FRMD4B: variants seen among roughly 807,000 people sequenced by gnomAD.
FRMD4B encodes the protein FERM domain containing 4B, also known as FERM domain-containing protein 4B.
In FRMD4B, 74 loss-of-function variants were observed where a neutral mutation model predicts 141.5. The ratio of observed to expected loss-of-function variants is 0.52; its 90% CI spans 0.43 to 0.63. FRMD4B has a LOEUF of 0.63. FRMD4B is among the 30% of genes least tolerant of loss of function. The pLI, the probability that FRMD4B is intolerant of heterozygous loss-of-function variation, is 0.00. For synonymous variants in FRMD4B, 506 were observed against 467.9 expected (o/e 1.08, Z -1.05); for missense variants, 1,366 against 1,253.4 (o/e 1.09, Z -1.36).
chr3:69,266,014 T>C (rs1329497675), intron 5 of FRMD4B, among the ~76,000 whole-genome samples: 3 of 150,542 alleles, frequency 2.0e-5, no homozygotes, highest in Non-Finnish European at 2.9e-5. Flanking sequence ...CTGGGCAACA[T>C]AGTGAGACCC....
Position 69,411,838 on chromosome 3 carries a change from A to C in FRMD4B, c.-1+20796T>G, listed in dbSNP as rs73835827. The stretch of plus-strand genomic sequence containing the variant: ...AGATTTCCGAGGTCCTTGCTTTTGA[A>C]CAATTATCTATATCAAATCAGAACA... On this transcript the variant is annotated intron_variant, in intron 2 of 5. Coordinates refer to the FRMD4B transcript ENST00000459638. Among the ~76,000 whole-genome samples the C allele has an allele frequency of 8.3e-3, 1,259 of 152,324 alleles. 20 individuals are homozygous for C. The highest frequency in any genetic ancestry group is 0.029 in the African/African-American group (1,185 of 41,564).
intron 1 of FRMD4B, among the ~76,000 whole-genome samples, chr3:69,464,740 C>T (rs1173238386): frequency 6.6e-6 from 1 of 152,152 alleles, no homozygotes; most frequent in Non-Finnish European, 1.5e-5. Context: ...GAACAACACA[C>T]CGTCAATAAA....
intron 1 of FRMD4B, among the ~76,000 whole-genome samples, chr3:69,455,441 G>A (rs1015590850): frequency 7.2e-5 from 11 of 152,212 alleles, no homozygotes; most frequent in African/African-American, 2.7e-4. Context: ...AATGCACCAG[G>A]AGGAATGAAC....
chr3:69,221,631 A>C (rs2093195738), intron 9 of FRMD4B, among the ~76,000 whole-genome samples: 2 of 152,136 alleles, frequency 1.3e-5, no homozygotes, highest in Non-Finnish European at 2.9e-5. Context: ...CTATTGCCCT[A>C]CATCTGGTCT....
chr3:69,497,572 A>G (rs1238323337), intron 1 of FRMD4B, among the ~76,000 whole-genome samples: 4 of 152,134 alleles, frequency 2.6e-5, no homozygotes, highest in Non-Finnish European at 5.9e-5. Context: ...TCCTTATAAT[A>G]AAAATAATAA....
At chr3:69,454,121 G>T (rs865926741) in intron 1 of FRMD4B, among the ~76,000 whole-genome samples, 1 of 152,168 alleles carries the variant, frequency 6.6e-6, no homozygotes, top group East Asian at 1.9e-4. Flanking sequence ...TATCCCCAGC[G>T]ATAACAGTAA....
At chr3:69,223,554 C>T (rs1038139501) in intron 8 of FRMD4B, among the ~76,000 whole-genome samples, 1 of 151,934 alleles carries the variant, frequency 6.6e-6, no homozygotes, top group South Asian at 2.1e-4. Flanking sequence ...AACTATCGCG[C>T]TTGGTCGGGC....
At chr3:69,439,966 G>C (rs1472820138) in intron 1 of FRMD4B, among the ~76,000 whole-genome samples, 2 of 152,154 alleles carry the variant, frequency 1.3e-5, no homozygotes, top group African/African-American at 2.4e-5. Flanking sequence ...GAGTTCATTA[G>C]AGATTCTGGA....
In FRMD4B at chr3:69,454,790, C is replaced by A. The variant is rs375472972; in HGVS notation, c.-128-22029G>T. ...GCTCCGTGGCACCAGGTCCCATCAACTGCTAAAGGGCTGAGGAGGGCAGGC... is the reference window on the plus strand; with the variant it reads ...GCTCCGTGGCACCAGGTCCCATCAAATGCTAAAGGGCTGAGGAGGGCAGGC... On this transcript the variant is annotated intron_variant, in intron 1 of 5. Coordinates refer to the FRMD4B transcript ENST00000459638. Among the ~76,000 whole-genome samples, 173 of 152,342 alleles carry A rather than the reference C, an allele frequency of 1.1e-3. 1 individual carries two copies. Among genetic ancestry groups the A allele is most frequent in the African/African-American group, 3.8e-3 (160 of 41,586 alleles).
At chr3:69,404,403 T>C (rs546893477) in intron 2 of FRMD4B, among the ~76,000 whole-genome samples, 9 of 152,350 alleles carry the variant, frequency 5.9e-5, no homozygotes, top group African/African-American at 1.9e-4. Flanking sequence ...AACTCTGGCT[T>C]TGAGATGTGA....
chr3:69,485,252 G>A (rs901264332), intron 1 of FRMD4B, among the ~76,000 whole-genome samples: 1 of 152,220 alleles, frequency 6.6e-6, no homozygotes, highest in Non-Finnish European at 1.5e-5. Context: ...TGGAGTGGGA[G>A]CCAGGAGTCG....
rs962399644 is a variant in FRMD4B at position 69,439,006 on chromosome 3, G to C, written c.-128-6245C>G. Among the ~76,000 whole-genome samples the C allele has an allele frequency of 4.6e-5, 7 of 151,960 alleles. No homozygotes were observed. In the East Asian group the frequency reaches 1.2e-3, roughly 25 times the overall value. Reference sequence around the variant, plus strand: ...CAGTCCAATTCTTTCTTCATCTTCAGAAGCAACCATTATTCTGAATTTGGT... The same window carrying C: ...CAGTCCAATTCTTTCTTCATCTTCACAAGCAACCATTATTCTGAATTTGGT... On this transcript the variant is annotated intron_variant, in intron 1 of 5. Transcript: ENST00000459638.
intron 1 of FRMD4B, among the ~76,000 whole-genome samples, chr3:69,502,547 A>G (rs1706516025): frequency 6.6e-6 from 1 of 152,236 alleles, no homozygotes; most frequent in African/African-American, 2.4e-5. Flanking sequence ...TGGATTAAAG[A>G]CTTAAATGTT....
intron 11 of FRMD4B, among the ~76,000 whole-genome samples, chr3:69,203,736 C>G (rs949086811): frequency 1.3e-5 from 2 of 152,188 alleles, no homozygotes; most frequent in African/African-American, 4.8e-5. Context: ...GTTTGTGAAG[C>G]ACTCAGCCCA....
chr3:69,336,912 C>A (rs1256367193), intron 1 of FRMD4B, among the ~76,000 whole-genome samples: 1 of 152,170 alleles, frequency 6.6e-6, no homozygotes, highest in Non-Finnish European at 1.5e-5. Flanking sequence ...CCACTACACT[C>A]CAGCCTGGGC....
intron 11 of FRMD4B, among the ~76,000 whole-genome samples, chr3:69,211,856 T>C (rs2093083332): frequency 6.6e-6 from 1 of 152,168 alleles, no homozygotes; most frequent in African/African-American, 2.4e-5. Context: ...TCATGGTCCT[T>C]TAAATTATGC....
At chr3:69,470,845 A>G (rs571055728) in intron 1 of FRMD4B, among the ~76,000 whole-genome samples, 1 of 152,354 alleles carries the variant, frequency 6.6e-6, no homozygotes, top group South Asian at 2.1e-4. Context: ...TTGCACAATT[A>G]TAATAAGAGA....
At chr3:69,196,805 A>C (rs2092910830) in intron 13 of FRMD4B, 95 bp downstream of exon 13, 10 of 972,006 alleles carry the variant, frequency 1.0e-5, no homozygotes, top group African/African-American at 1.7e-5. Context: ...AGAGAGCAAA[A>C]ATATATGTGC....
At chr3:69,317,790 A>AAATCATGC (rs1202891407) in intron 1 of FRMD4B, among the ~76,000 whole-genome samples, 2 of 150,664 alleles carry the variant, frequency 1.3e-5, no homozygotes, top group East Asian at 3.9e-4. Flanking sequence ...GAGGCAAGAG[A>AAATCATGC]AATCATGCGG....
Sources: allele counts gnomAD v4.1 joint callset (sites outside exome capture counted in the v4.1 genomes callset), GRCh38; gene constraint gnomAD v4.1.1; transcripts MANE v1.5; gene names NCBI Gene and HGNC (gene_info 2026-07-23, HGNC 2026-07-21).